Variants in TMEM117 observed in about 807,000 individuals in gnomAD.
TMEM117 encodes the protein transmembrane protein 117.
A neutral mutation model predicts 52.4 loss-of-function variants in TMEM117; 27 were observed. That is an observed-to-expected ratio of 0.51 (90% CI 0.38 to 0.71). TMEM117 has a LOEUF of 0.71. Among genes scored for constraint, TMEM117 ranks in the 30% least tolerant of loss-of-function variants. The pLI, the probability that TMEM117 is intolerant of heterozygous loss-of-function variation, is 0.00. For missense variants in TMEM117, 556 were observed against 630.5 expected, an observed-to-expected ratio of 0.88 and a Z score of 1.26; for synonymous variants, 215 against 206.3, an observed-to-expected ratio of 1.04 and a Z score of -0.36.
intron 3 of TMEM117, among the ~76,000 whole-genome samples, chr12:43,986,492 C>G (rs1278085278): frequency 1.3e-5 from 2 of 152,010 alleles, no homozygotes; most frequent in African/African-American, 4.8e-5. Flanking sequence ...TGATTTTTTT[C>G]CTTCCATTAC....
At chr12:44,330,966 C>T (rs1157532071) in intron 6 of TMEM117, among the ~76,000 whole-genome samples, 2 of 152,018 alleles carry the variant, frequency 1.3e-5, no homozygotes, top group Admixed American at 1.3e-4. Flanking sequence ...GAGAGTATTT[C>T]AGCTAAACTA....
intron 6 of TMEM117, among the ~76,000 whole-genome samples, chr12:44,364,344 A>T (rs898442306): frequency 6.6e-6 from 1 of 152,142 alleles, no homozygotes; most frequent in Non-Finnish European, 1.5e-5. Context: ...GATAATTTTT[A>T]CCACCTTCAG....
chr12:44,185,448 T>G (rs544357786), intron 4 of TMEM117, among the ~76,000 whole-genome samples: 1 of 152,318 alleles, frequency 6.6e-6, no homozygotes, highest in Admixed American at 6.5e-5. Flanking sequence ...GTTGCATATC[T>G]TCTAAGAAGA....
At chr12:44,051,614 A>G (rs1253562676) in intron 3 of TMEM117, among the ~76,000 whole-genome samples, 2 of 152,238 alleles carry the variant, frequency 1.3e-5, no homozygotes, top group Non-Finnish European at 2.9e-5. Context: ...TAAATTAGCC[A>G]TGATCAAATT....
At chr12:44,059,149 C>T (rs1034914510) in intron 3 of TMEM117, among the ~76,000 whole-genome samples, 3 of 152,264 alleles carry the variant, frequency 2.0e-5, no homozygotes, top group Middle Eastern at 6.8e-3. Context: ...TGGTAATGCT[C>T]GTTGGCATGC....
chr12:43,823,570 C>T, the TMEM117 span, among the ~76,000 whole-genome samples: 2,406 of 152,048 alleles, frequency 0.016, 38 homozygotes, highest in South Asian at 0.053. Context: ...AGCACAGTGG[C>T]GTGATCTTGG....
intron 3 of TMEM117, among the ~76,000 whole-genome samples, chr12:44,007,283 G>T (rs1050115912): frequency 6.6e-6 from 1 of 152,072 alleles, no homozygotes; most frequent in African/African-American, 2.4e-5. Flanking sequence ...TTTATTTCTT[G>T]ATGATGCTCC....
chr12:44,096,129 T>G (rs1304283587), intron 3 of TMEM117, among the ~76,000 whole-genome samples: 1 of 152,038 alleles, frequency 6.6e-6, no homozygotes, highest in African/African-American at 2.4e-5. Context: ...TCAAAGAGAA[T>G]AAAATACCTA....
intron 3 of TMEM117, among the ~76,000 whole-genome samples, chr12:44,116,653 T>C (rs556312131): frequency 1.3e-5 from 2 of 152,336 alleles, no homozygotes; most frequent in Admixed American, 1.3e-4. Context: ...ATTGAATGTA[T>C]CTCCTCTCTT....
Position 44,143,538 on chromosome 12 carries a change from A to G in TMEM117, c.424A>G (p.Thr142Ala), listed in dbSNP as rs745731067. The G allele has an allele frequency of 6.1e-5, 99 of 1,612,496 alleles. No individual in the cohort carries two copies. The highest frequency in any genetic ancestry group is 7.9e-5 in the Non-Finnish European group (93 of 1,178,834). The stretch of plus-strand genomic sequence containing the variant: ...TTGTTTCCACAGAGCATATATCATT[A>G]CAGACTATATGGGCATCCGAAATGA... The part of the protein sequence containing the change: ...MDGNMGAYII[T>A]DYMGIRNESF... Residue 142 changes from threonine to alanine, a missense_variant, in exon 4 of 8, where the codon ACA (threonine) becomes GCA (alanine). This residue lies in a region of TMEM117 where 328 missense variants were observed against 371.4 expected (regional missense o/e 0.88). Transcript: ENST00000266534.
At chr12:43,872,756 G>A (rs1731439) in intron 2 of TMEM117, among the ~76,000 whole-genome samples, 110,133 of 152,104 alleles carry the variant, frequency 0.72, 43,208 homozygotes, top group East Asian at 0.94. Flanking sequence ...GTCGTGCCTT[G>A]TGGTACAAAG....
At chr12:44,062,638 A>G (rs1404565241) in intron 3 of TMEM117, among the ~76,000 whole-genome samples, 1 of 152,178 alleles carries the variant, frequency 6.6e-6, no homozygotes, top group Non-Finnish European at 1.5e-5. Context: ...CACTGAGGAG[A>G]TACACCTGGG....
intron 3 of TMEM117, among the ~76,000 whole-genome samples, chr12:43,984,363 G>T (rs1356476113): frequency 2.2e-5 from 2 of 91,920 alleles, no homozygotes. Flanking sequence ...GTGAGACTCC[G>T]TAACAACAAC....
At chr12:43,797,578 G>C in the TMEM117 span, 3 of 1,410,428 alleles carry the variant, frequency 2.1e-6, no homozygotes, top group Admixed American at 2.4e-5. Context: ...TTTTCACAAT[G>C]AACATTTACA....
chr12:44,332,441 A>C (rs533870159), intron 6 of TMEM117, among the ~76,000 whole-genome samples: 78 of 152,182 alleles, frequency 5.1e-4, no homozygotes, highest in Admixed American at 5.1e-3. Flanking sequence ...AAGTGGGCTT[A>C]TTTAAGCCTA....
At chr12:44,344,882 C>T (rs991776366) in intron 6 of TMEM117, among the ~76,000 whole-genome samples, 3 of 151,986 alleles carry the variant, frequency 2.0e-5, no homozygotes, top group African/African-American at 7.2e-5. Context: ...AGTAGGATTG[C>T]AGGGTCTCTT....
chr12:44,208,623 T>A (rs1301548306), intron 4 of TMEM117, among the ~76,000 whole-genome samples: 1 of 152,046 alleles, frequency 6.6e-6, no homozygotes, highest in African/African-American at 2.4e-5. Context: ...CTTCTGCCAA[T>A]TTAGCTACAA....
At chr12:44,342,338 G>C (rs1460187310) in intron 6 of TMEM117, among the ~76,000 whole-genome samples, 1 of 152,142 alleles carries the variant, frequency 6.6e-6, no homozygotes, top group Non-Finnish European at 1.5e-5. Flanking sequence ...GCTTCCAGCT[G>C]ATGGATTCTG....
At chr12:43,823,383 CT>C in the TMEM117 span, among the ~76,000 whole-genome samples, 1 of 152,144 alleles carries the variant, frequency 6.6e-6, no homozygotes, top group Non-Finnish European at 1.5e-5. Context: ...TTCCATTATA[CT>C]ATACATTTAT....
Sources: gnomAD v4.1 joint callset for allele counts (sites outside exome capture counted in the v4.1 genomes callset) on GRCh38, gnomAD v4.1.1 for gene constraint, gnomAD v4.1.1 regional missense constraint, MANE v1.5 for transcripts, NCBI Gene and HGNC (gene_info 2026-07-23, HGNC 2026-07-21) for gene names.